LRRC72: variants seen among roughly 807,000 people sequenced by gnomAD.
LRRC72 encodes leucine-rich repeat-containing protein 72.
Under a neutral mutation model 35.8 loss-of-function variants are expected in LRRC72, and 41 were observed. That is an observed-to-expected ratio of 1.15 (90% confidence interval 0.89 to 1.49). The LOEUF is 1.49. Among genes scored for constraint, LRRC72 ranks in the 40% most tolerant of loss-of-function variants. The pLI, the probability that LRRC72 is intolerant of heterozygous loss-of-function variation, is 0.00. For missense variants in LRRC72, 389 were observed against 330.7 expected, an observed-to-expected ratio of 1.18 and a Z score of -1.37; for synonymous variants, 118 against 119.2, an observed-to-expected ratio of 0.99 and a Z score of 0.07.
intron 7 of LRRC72, among the ~76,000 whole-genome samples, chr7:16,574,609 G>A (rs1783005610): frequency 6.6e-6 from 1 of 151,908 alleles, no homozygotes; most frequent in South Asian, 2.1e-4. Flanking sequence ...GAGAACACAT[G>A]GACGCAGGGA....
intron 1 of LRRC72, chr7:16,530,439 G>T (rs1782142024): frequency 6.6e-6 from 1 of 152,136 alleles, no homozygotes; most frequent in South Asian, 2.1e-4. Context: ...TGTTTACTCA[G>T]TCCACTAATA....
intron 3 of LRRC72, among the ~76,000 whole-genome samples, chr7:16,550,296 A>G (rs1782527032): frequency 6.6e-6 from 1 of 152,206 alleles, no homozygotes; most frequent in African/African-American, 2.4e-5. Context: ...CTAATAACAT[A>G]CGGCAAATCA....
At chr7:16,533,069 CTTAGGTGAG>C (rs1204744833) in intron 2 of LRRC72, among the ~76,000 whole-genome samples, 2 of 152,042 alleles carry the variant, frequency 1.3e-5, no homozygotes, top group African/African-American at 4.8e-5. Flanking sequence ...TGTTGTGAAG[CTTAGGTGAG>C]TTAGTAAAAG....
At chr7:16,544,992 C>T (rs1782421966) in intron 3 of LRRC72, among the ~76,000 whole-genome samples, 1 of 152,156 alleles carries the variant, frequency 6.6e-6, no homozygotes, top group Non-Finnish European at 1.5e-5. Context: ...AATAACATCA[C>T]TCACACTGAC....
intron 7 of LRRC72, among the ~76,000 whole-genome samples, chr7:16,568,045 T>C (rs959933137): frequency 2.6e-5 from 4 of 152,178 alleles, no homozygotes; most frequent in Non-Finnish European, 5.9e-5. Context: ...TTTCAGGATG[T>C]TTCATTTGTA....
intron 2 of LRRC72, among the ~76,000 whole-genome samples, chr7:16,533,600 A>T (rs567552900): frequency 6.6e-6 from 1 of 152,240 alleles, no homozygotes; most frequent in South Asian, 2.1e-4. Context: ...TTAGTTTATC[A>T]ACAAATTTAA....
At chr7:16,577,879 T>G (rs1337582042) in intron 7 of LRRC72, among the ~76,000 whole-genome samples, 2 of 152,200 alleles carry the variant, frequency 1.3e-5, no homozygotes, top group African/African-American at 4.8e-5. Flanking sequence ...TAAAGGGTTG[T>G]TAAAGATGAG....
chr7:16,531,663 CTT>C (rs975998543), intron 1 of LRRC72, among the ~76,000 whole-genome samples: 2 of 152,124 alleles, frequency 1.3e-5, no homozygotes, highest in African/African-American at 4.8e-5. Context: ...ATACTTTTCA[CTT>C]TTGTCATGTC....
At chr7:16,552,830 G>C (rs1782577570) in intron 3 of LRRC72, among the ~76,000 whole-genome samples, 1 of 152,130 alleles carries the variant, frequency 6.6e-6, no homozygotes, top group Non-Finnish European at 1.5e-5. Flanking sequence ...TCAGCTTCGT[G>C]TCCTGAACGT....
intron 3 of LRRC72, among the ~76,000 whole-genome samples, chr7:16,553,965 C>G (rs1470415892): frequency 2.0e-5 from 3 of 152,132 alleles, no homozygotes; most frequent in African/African-American, 7.2e-5. Flanking sequence ...TGTGAAATGC[C>G]ACACTTAATA....
intron 3 of LRRC72, among the ~76,000 whole-genome samples, chr7:16,542,264 C>T (rs1782370577): frequency 6.6e-6 from 1 of 152,052 alleles, no homozygotes; most frequent in Non-Finnish European, 1.5e-5. Flanking sequence ...TCGCATGCAC[C>T]ATCAACTGTT....
In LRRC72 at chr7:16,547,509, G is replaced by C. The variant is rs376840339; in HGVS notation, c.234+9813G>C. Among the ~76,000 whole-genome samples the C allele has an allele frequency of 1.4e-4, 21 of 152,280 alleles. No individual in the cohort carries two copies. The East Asian group carries it at 4.1e-3, about 29-fold the overall frequency. ...AGCTGCAGCTGCCCAAACTGCTGCT[G>C]TGGGCCCAGGCATCTCCCTGCACTC... is the stretch of plus-strand genomic sequence containing the variant. On this transcript the variant is annotated intron_variant, in intron 3 of 8. Coordinates refer to ENST00000401542, the MANE Select transcript of LRRC72 (RefSeq NM_001195280.2).
intron 5 of LRRC72, among the ~76,000 whole-genome samples, chr7:16,564,520 A>G (rs1782793856): frequency 6.6e-6 from 1 of 152,130 alleles, no homozygotes; most frequent in Non-Finnish European, 1.5e-5. Context: ...CTTGAAAAAA[A>G]AAAAGTTTTA....
chr7:16,568,680 C>G (rs1782891619), intron 7 of LRRC72, among the ~76,000 whole-genome samples: 1 of 152,066 alleles, frequency 6.6e-6, no homozygotes, highest in Admixed American at 6.6e-5. Flanking sequence ...ATGCACCAGA[C>G]AAAATGAATC....
chr7:16,565,429 C>CAAAAA (rs11284083), intron 5 of LRRC72, among the ~76,000 whole-genome samples: 2 of 115,344 alleles, frequency 1.7e-5, no homozygotes, highest in African/African-American at 5.9e-5. Flanking sequence ...AAGACTCTGT[C>CAAAAA]AAAAAAAAAA....
chr7:16,565,576 T>C (rs1395410785), intron 5 of LRRC72, among the ~76,000 whole-genome samples: 7 of 152,204 alleles, frequency 4.6e-5, no homozygotes, highest in African/African-American at 1.7e-4. Context: ...TGAGGATGTT[T>C]AAAAACATAA....
chr7:16,552,147 A>G (rs1186734022), intron 3 of LRRC72, among the ~76,000 whole-genome samples: 2 of 152,242 alleles, frequency 1.3e-5, no homozygotes, highest in Non-Finnish European at 2.9e-5. Flanking sequence ...TTTTCAACTC[A>G]GTCCCCAAAG....
At chr7:16,579,234 A>G (rs1783099029) in intron 7 of LRRC72, among the ~76,000 whole-genome samples, 1 of 152,262 alleles carries the variant, frequency 6.6e-6, no homozygotes. Flanking sequence ...CCTTAAATAT[A>G]TACAGTTTTT....
At chr7:16,567,287 A>G (rs956716459) in intron 6 of LRRC72, 104 bp from the exon 7 acceptor site, 9 of 853,944 alleles carry the variant, frequency 1.1e-5, no homozygotes, top group Middle Eastern at 3.6e-4. Context: ...GTTCTCATAT[A>G]TCATAGTTTA....
Sources: gnomAD v4.1 joint callset for allele counts (sites outside exome capture counted in the v4.1 genomes callset) on GRCh38, gnomAD v4.1.1 for gene constraint, MANE v1.5 for transcripts, NCBI Gene and HGNC (gene_info 2026-07-23, HGNC 2026-07-21) for gene names.